TG: variants seen among roughly 807,000 people sequenced by gnomAD.
TG encodes the protein thyroid hormones.
A neutral mutation model predicts 324.7 loss-of-function variants in TG; 270 were observed. That is an observed-to-expected ratio of 0.83 (90% confidence interval 0.75 to 0.92). TG has a LOEUF of 0.92. Ranked by LOEUF, TG falls within the 40% of genes least tolerant of loss-of-function variation. The pLI is 0.00. For synonymous variants in TG, 1,401 were observed against 1,327.0 expected (o/e 1.06, Z -1.21); for missense variants, 3,591 against 3,456.4 (o/e 1.04, Z -0.98).
chr8:133,017,701 A>G (rs774448864), intron 37 of TG, 77 bp from the exon 38 acceptor site: 103 of 1,394,756 alleles, frequency 7.4e-5, no homozygotes, highest in Non-Finnish European at 1.0e-4. Context: ...TTGAAAGCAC[A>G]TTCAGAATGC....
At chr8:132,908,846 G>C (rs997469882) in intron 18 of TG, among the ~76,000 whole-genome samples, 1 of 152,198 alleles carries the variant, frequency 6.6e-6, no homozygotes, top group African/African-American at 2.4e-5. Context: ...GCCTCCAAGA[G>C]GTGCTACTGA....
In TG at chr8:132,919,376, T is replaced by G. The variant is rs1251802652; in HGVS notation, c.4379T>G (p.Val1460Gly). The G allele has an allele frequency of 6.2e-7, 1 of 1,613,788 alleles. No homozygotes were observed. The highest frequency in any genetic ancestry group is 8.5e-7 in the Non-Finnish European group (1 of 1,179,918). Residue 1460 changes from valine (V) to glycine (G), a missense_variant and splice_region_variant, in exon 21 of 48, where the codon GTT becomes GGT. Coordinates refer to ENST00000220616, the MANE Select transcript of TG (RefSeq NM_003235.5). ...SEASQDGLGC[V>G]KCPEGSYSQD... ...ACATCATTTCTCTGTTTTTTTCTAG[T>G]TAAGTGTCCTGAAGGAAGCTATTCC...
Position 133,115,694 on chromosome 8 carries a change from C to T in TG, c.7755-915C>T, listed in dbSNP as rs181315285. 4.5e-3 allele frequency among the ~76,000 whole-genome samples: 678 copies of T among 152,346 alleles called. 2 individuals are homozygous for T. Among genetic ancestry groups the T allele is most frequent in the Middle Eastern group, 0.01 (3 of 294 alleles). ...AGGAGATAAAAGAACTGCTGAGTAT[C>T]TCACCTTTACTCTGCAATGCAGATG... On this transcript the variant is annotated intron_variant, in intron 44 of 47. Coordinates refer to ENST00000220616, the MANE Select transcript of TG (RefSeq NM_003235.5).
In TG at chr8:133,102,616, G is replaced by A. The variant is rs1849410596; in HGVS notation, c.7572+6243G>A. 4 of 1,528,722 alleles carry A rather than the reference G, an allele frequency of 2.6e-6. No individual in the cohort carries two copies. The African/African-American group carries it at 5.5e-5, about 21-fold the overall frequency. The allele number at this position is 1,528,722 out of a possible 1,614,324, so 94.7% of individuals were successfully genotyped here. A position where few individuals can be genotyped will look rare whatever the true frequency, so the allele number is the denominator to read the frequency against. On this transcript the variant is annotated intron_variant, in intron 43 of 47. Coordinates refer to ENST00000220616, the MANE Select transcript of TG (RefSeq NM_003235.5). The stretch of plus-strand genomic sequence containing the variant: ...GCAGCAAATGATCTTATTTTCTGAA[G>A]TAGCAGCTTTCTATTGAAATTCTTC...
intron 27 of TG, among the ~76,000 whole-genome samples, chr8:132,960,479 G>A (rs1284958932): frequency 6.6e-6 from 1 of 152,204 alleles, no homozygotes; most frequent in East Asian, 1.9e-4. Context: ...TGGGATCCAG[G>A]GGAGAACAGT....
intron 47 of TG, 41 bp from the exon 48 acceptor site, chr8:133,134,635 T>C: frequency 1.9e-6 from 3 of 1,564,470 alleles, no homozygotes; most frequent in Non-Finnish European, 2.6e-6. Flanking sequence ...AGAGAAGTCC[T>C]AATCTGGCTT....
At chr8:132,981,956 A>G (rs1381453561) in intron 34 of TG, among the ~76,000 whole-genome samples, 11 of 152,188 alleles carry the variant, frequency 7.2e-5, no homozygotes, top group Admixed American at 3.9e-4. Context: ...CGACCCACGC[A>G]AGGACTTTGG....
intron 22 of TG, among the ~76,000 whole-genome samples, chr8:132,926,270 G>A (rs946655974): frequency 1.3e-5 from 2 of 152,176 alleles, no homozygotes; most frequent in Admixed American, 6.5e-5. Context: ...TCAGGCTTCT[G>A]CTGTTACCTA....
At chr8:132,916,146 A>G (rs890230774) in intron 20 of TG, among the ~76,000 whole-genome samples, 2 of 152,226 alleles carry the variant, frequency 1.3e-5, no homozygotes, top group African/African-American at 2.4e-5. Context: ...TAGCTCCAAC[A>G]CTTTCTCATT....
intron 27 of TG, 109 bp downstream of exon 27, chr8:132,949,052 CTG>C: frequency 1.1e-6 from 1 of 892,004 alleles, no homozygotes; most frequent in Non-Finnish European, 1.7e-6. Flanking sequence ...GCTTATACTT[CTG>C]AAAAAAAAAA....
At chr8:133,069,961 A>G (rs1843705254) in intron 41 of TG, among the ~76,000 whole-genome samples, 1 of 137,816 alleles carries the variant, frequency 7.3e-6, no homozygotes, top group Non-Finnish European at 1.5e-5. Context: ...AGATTGTGCC[A>G]CTGAACTTCA....
chr8:133,080,676 C>T (rs969291236), intron 41 of TG, among the ~76,000 whole-genome samples: 1 of 152,202 alleles, frequency 6.6e-6, no homozygotes, highest in South Asian at 2.1e-4. Context: ...CCTTATCAGC[C>T]CCATGGCAAT....
chr8:133,130,902 C>T (rs754768401), intron 45 of TG, among the ~76,000 whole-genome samples: 2 of 151,990 alleles, frequency 1.3e-5, no homozygotes, highest in Non-Finnish European at 2.9e-5. Context: ...GGGAGAAAGT[C>T]GGCCAGACAT....
chr8:132,933,168 G>A (rs1247920689), intron 23 of TG, among the ~76,000 whole-genome samples: 1 of 150,676 alleles, frequency 6.6e-6, no homozygotes, highest in Non-Finnish European at 1.5e-5. Flanking sequence ...TGCTTGTGGG[G>A]GTATATTTGG....
intron 29 of TG, among the ~76,000 whole-genome samples, chr8:132,965,606 C>A (rs559122986): frequency 2.7e-4 from 41 of 152,296 alleles, no homozygotes; most frequent in African/African-American, 9.6e-4. Context: ...CAGAGCTATC[C>A]CCACTGGGCC....
chr8:133,092,815 C>T (rs948779225), intron 41 of TG, among the ~76,000 whole-genome samples: 3 of 152,140 alleles, frequency 2.0e-5, no homozygotes, highest in African/African-American at 4.8e-5. Flanking sequence ...CGTTGGCTTG[C>T]GTAAACACCA....
At chr8:132,963,594 CAGAG>C (rs1039514011) in intron 29 of TG, among the ~76,000 whole-genome samples, 1 of 151,864 alleles carries the variant, frequency 6.6e-6, no homozygotes, top group Non-Finnish European at 1.5e-5. Flanking sequence ...AGCTGAAACT[CAGAG>C]AGAGAGGGAG....
intron 18 of TG, among the ~76,000 whole-genome samples, chr8:132,910,792 C>T (rs1043609035): frequency 2.0e-5 from 3 of 152,144 alleles, no homozygotes; most frequent in African/African-American, 7.2e-5. Context: ...CACTAAGACA[C>T]CCTTTGAAAG....
intron 11 of TG, among the ~76,000 whole-genome samples, chr8:132,894,599 C>T (rs1049494257): frequency 6.6e-6 from 1 of 152,128 alleles, no homozygotes; most frequent in Admixed American, 6.5e-5. Flanking sequence ...GCTGGGACTA[C>T]AGGTGTGTGC....
Sources: gnomAD v4.1 joint callset for allele counts (sites outside exome capture counted in the v4.1 genomes callset) on GRCh38, gnomAD v4.1.1 for gene constraint, MANE v1.5 for transcripts, NCBI Gene and HGNC (gene_info 2026-07-23, HGNC 2026-07-21) for gene names.